Variants in PDE1C observed in about 807,000 individuals in gnomAD.
PDE1C encodes phosphodiesterase 1C.
Under a neutral mutation model 93.1 loss-of-function variants are expected in PDE1C, and 62 were observed. The ratio of observed to expected loss-of-function variants is 0.67; its 90% CI spans 0.54 to 0.82. PDE1C has a LOEUF of 0.82. PDE1C is among the 40% of genes least tolerant of loss of function. The pLI is 0.00. For missense variants in PDE1C, 742 were observed against 884.6 expected, an observed-to-expected ratio of 0.84 and a Z score of 2.04; for synonymous variants, 325 against 310.1, an observed-to-expected ratio of 1.05 and a Z score of -0.50.
chr7:31,739,238 C>CA, the PDE1C span, among the ~76,000 whole-genome samples: 10 of 149,562 alleles, frequency 6.7e-5, no homozygotes, highest in Non-Finnish European at 1.3e-4. Context: ...CACACACACA[C>CA]CAGCTCTTCT....
chr7:31,931,866 G>C (rs1444262521), intron 2 of PDE1C, among the ~76,000 whole-genome samples: 11 of 152,116 alleles, frequency 7.2e-5, no homozygotes, highest in Non-Finnish European at 1.5e-4. Flanking sequence ...AACCAAAACA[G>C]ATACATAGAC....
At chr7:32,376,519 A>G (rs1053574386) in intron 1 of PDE1C, among the ~76,000 whole-genome samples, 1 of 152,204 alleles carries the variant, frequency 6.6e-6, no homozygotes, top group Non-Finnish European at 1.5e-5. Flanking sequence ...GTTTCTGCTC[A>G]TGGTAGATCC....
At chr7:31,955,114 T>C (rs1807945798) in intron 2 of PDE1C, among the ~76,000 whole-genome samples, 1 of 152,212 alleles carries the variant, frequency 6.6e-6, no homozygotes, top group South Asian at 2.1e-4. Context: ...ATAATTCCAG[T>C]ACTACAGATA....
At chr7:32,263,044 A>G (rs1810325907) in intron 1 of PDE1C, among the ~76,000 whole-genome samples, 1 of 152,180 alleles carries the variant, frequency 6.6e-6, no homozygotes, top group African/African-American at 2.4e-5. Flanking sequence ...TCCTCCTTTC[A>G]GTCAGGTGGA....
chr7:32,009,858 A>G (rs1214713354), intron 2 of PDE1C, among the ~76,000 whole-genome samples: 1 of 152,236 alleles, frequency 6.6e-6, no homozygotes, highest in East Asian at 1.9e-4. Flanking sequence ...TGAGATCATT[A>G]TATAAAACTC....
At chr7:31,642,546 TA>T in the PDE1C span, 1 of 785,818 alleles carries the variant, frequency 1.3e-6, no homozygotes, top group Non-Finnish European at 2.0e-6. Flanking sequence ...GGTAAAGAGG[TA>T]AACAGATGCA....
intron 17 of PDE1C, among the ~76,000 whole-genome samples, chr7:31,767,529 A>G (rs6966645): frequency 0.32 from 48,345 of 152,018 alleles, 7,942 homozygotes; most frequent in Admixed American, 0.37. Context: ...AGAAGCCACT[A>G]TGCTTCCTGT....
At chr7:31,759,556 A>G (rs938193293) in intron 17 of PDE1C, among the ~76,000 whole-genome samples, 1 of 152,232 alleles carries the variant, frequency 6.6e-6, no homozygotes, top group African/African-American at 2.4e-5. Context: ...GCTTGGAGAA[A>G]ATGATCTAAT....
intron 2 of PDE1C, among the ~76,000 whole-genome samples, chr7:32,192,180 A>T (rs1230648599): frequency 6.6e-6 from 1 of 152,106 alleles, no homozygotes; most frequent in African/African-American, 2.4e-5. Flanking sequence ...TTTTATCCTA[A>T]CAAAATCTTT....
chr7:31,655,746 C>A, the PDE1C span: 51 of 985,686 alleles, frequency 5.2e-5, no homozygotes, highest in Middle Eastern at 1.6e-3. Context: ...AAATCGTTTC[C>A]CTTGCTAAAC....
the PDE1C span, among the ~76,000 whole-genome samples, chr7:31,622,452 C>G: frequency 6.6e-6 from 1 of 151,364 alleles, no homozygotes; most frequent in Non-Finnish European, 1.5e-5. Context: ...GATTAAGAAA[C>G]TCACTCAAAA....
chr7:31,909,378 G>A (rs754051131), intron 2 of PDE1C, among the ~76,000 whole-genome samples: 10 of 152,192 alleles, frequency 6.6e-5, no homozygotes, highest in African/African-American at 1.4e-4. Context: ...CTTGACAAAC[G>A]CCTAACAAGT....
rs529398859 is a variant in PDE1C at position 31,823,057 on chromosome 7, G to A, written c.1582+16C>T. 2 of 1,601,576 alleles carry A rather than the reference G, an allele frequency of 1.2e-6. No homozygotes were observed. The highest frequency in any genetic ancestry group is 1.7e-6 in the Non-Finnish European group (2 of 1,173,478). On this transcript the variant is annotated intron_variant, in intron 14 of 17. Coordinates refer to ENST00000396191, the MANE Select transcript of PDE1C (RefSeq NM_001191057.4). ...TTTTATGCTGAATTGGTTTGGACAG[G>A]TCTGTGGCATGTTACCTTTGGGTAC...
the PDE1C span, among the ~76,000 whole-genome samples, chr7:31,626,626 T>C: frequency 2.6e-5 from 4 of 152,188 alleles, no homozygotes; most frequent in African/African-American, 7.2e-5. Flanking sequence ...CAAAACAGTT[T>C]TTGACATGTC....
chr7:32,369,712 A>T (rs1784294942), intron 1 of PDE1C, among the ~76,000 whole-genome samples: 1 of 152,226 alleles, frequency 6.6e-6, no homozygotes, highest in South Asian at 2.1e-4. Flanking sequence ...TACTATTCAC[A>T]ATAGCCAAGA....
the PDE1C span, chr7:31,652,422 C>G: frequency 2.0e-6 from 3 of 1,468,460 alleles, no homozygotes; most frequent in South Asian, 2.8e-5. Flanking sequence ...TCTAGAGAAT[C>G]GACCACCTCA....
chr7:32,035,980 T>C (rs1791019712), intron 2 of PDE1C, among the ~76,000 whole-genome samples: 2 of 152,168 alleles, frequency 1.3e-5, no homozygotes, highest in Non-Finnish European at 2.9e-5. Flanking sequence ...CAGCCTGGCC[T>C]GTGAAGGAAA....
intron 1 of PDE1C, among the ~76,000 whole-genome samples, chr7:32,374,557 G>T (rs1784403595): frequency 1.3e-5 from 2 of 152,238 alleles, no homozygotes; most frequent in Admixed American, 6.5e-5. Context: ...GCATCAGAGT[G>T]AAAGAGCCAC....
At chr7:31,781,109 G>A (rs1783377806) in intron 16 of PDE1C, among the ~76,000 whole-genome samples, 1 of 152,200 alleles carries the variant, frequency 6.6e-6, no homozygotes, top group South Asian at 2.1e-4. Flanking sequence ...AGAGGACAGT[G>A]ATAGAAGTGA....
Sources: allele counts gnomAD v4.1 joint callset (sites outside exome capture counted in the v4.1 genomes callset), GRCh38; gene constraint gnomAD v4.1.1; transcripts MANE v1.5; gene names NCBI Gene and HGNC (gene_info 2026-07-23, HGNC 2026-07-21).